Variants in TMEM71 observed in about 807,000 individuals in gnomAD.
TMEM71 encodes transmembrane protein 71.
TMEM71 carries 44 observed loss-of-function variants against 38.0 expected under a neutral mutation model. That is an observed-to-expected ratio of 1.16 (90% confidence interval 0.91 to 1.49). The LOEUF (loss-of-function observed/expected upper bound fraction) is 1.49. Among genes scored for constraint, TMEM71 ranks in the 40% most tolerant of loss-of-function variants. The pLI is 0.00. For synonymous variants in TMEM71, 133 were observed against 122.5 expected (o/e 1.09, Z -0.56); for missense variants, 367 against 348.6 (o/e 1.05, Z -0.42).
chr8:132,749,810 T>G (rs1828594622), intron 4 of TMEM71, among the ~76,000 whole-genome samples: 1 of 151,904 alleles, frequency 6.6e-6, no homozygotes, highest in Admixed American at 6.6e-5. Context: ...GGTCAGGGGA[T>G]CGAGACCATC....
At chr8:132,767,473 C>G in the TMEM71 span, among the ~76,000 whole-genome samples, 1 of 142,064 alleles carries the variant, frequency 7.0e-6, no homozygotes, top group African/African-American at 2.5e-5. Flanking sequence ...ATACCTACCT[C>G]TTTGGTTTTT....
At chr8:132,769,926 T>G in the TMEM71 span, among the ~76,000 whole-genome samples, 1 of 152,370 alleles carries the variant, frequency 6.6e-6, no homozygotes, top group African/African-American at 2.4e-5. Context: ...TCTGCCATAT[T>G]TCAGGATGCC....
the TMEM71 span, among the ~76,000 whole-genome samples, chr8:132,772,516 T>G: frequency 6.6e-6 from 1 of 152,202 alleles, no homozygotes; most frequent in Non-Finnish European, 1.5e-5. Context: ...ACTCTGATCC[T>G]GACCTTTGAC....
chr8:132,773,880 A>G, the TMEM71 span, among the ~76,000 whole-genome samples: 2 of 152,186 alleles, frequency 1.3e-5, no homozygotes, highest in Non-Finnish European at 2.9e-5. Context: ...CATGTAACAA[A>G]CAATCCAGCA....
At chr8:132,761,130 G>C (rs761926492), upstream of TMEM71, among the ~76,000 whole-genome samples, 11 of 152,182 alleles carry the variant, frequency 7.2e-5, no homozygotes, top group Non-Finnish European at 1.6e-4. Context: ...AGACTTGATG[G>C]TGTTTATGGG....
chr8:132,746,462 T>TACATATACATATACATATATATAC, intron 5 of TMEM71, among the ~76,000 whole-genome samples: 2 of 16,096 alleles, frequency 1.2e-4, no homozygotes, highest in African/African-American at 2.9e-4. Flanking sequence ...CATATATATA[T>TACATATACATATACATATATATAC]ACATATATAT....
At chr8:132,742,175 C>A (rs1828078486) in intron 5 of TMEM71, among the ~76,000 whole-genome samples, 1 of 152,196 alleles carries the variant, frequency 6.6e-6, no homozygotes, top group Non-Finnish European at 1.5e-5. Flanking sequence ...TTGCTACAAA[C>A]CAATGATTAA....
intron 7 of TMEM71, among the ~76,000 whole-genome samples, chr8:132,716,332 C>G (rs1432403391): frequency 6.6e-6 from 1 of 152,210 alleles, no homozygotes; most frequent in African/African-American, 2.4e-5. Flanking sequence ...CACTCCACAC[C>G]TTGCTTGTAA....
chr8:132,749,649 T>G (rs113988259), intron 4 of TMEM71, among the ~76,000 whole-genome samples: 13,895 of 152,196 alleles, frequency 0.091, 755 homozygotes, highest in Middle Eastern at 0.16. Context: ...AGAGGCTGGG[T>G]CTCTGAGTCT....
chr8:132,710,145 G>A lies in TMEM71; in HGVS notation c.*822C>T, dbSNP rs1393464326. On this transcript the variant is annotated 3_prime_UTR_variant, in exon 10 of 10. Transcript: ENST00000677595. ...TTTGCTTTGTGAACACGCACCAAGT[G>A]TGGGGGGTGGAAAGGGAACATCTAC... 2 of 152,126 alleles carry A rather than the reference G, an allele frequency of 1.3e-5. No homozygotes were observed. Among genetic ancestry groups the A allele is most frequent in the African/African-American group, 4.8e-5 (2 of 41,442 alleles). The allele number at this position is 152,126 out of a possible 1,614,324, so 9.4% of individuals were successfully genotyped here.
chr8:132,746,418 C>CACATATATATACAT (rs1828362143), intron 5 of TMEM71, among the ~76,000 whole-genome samples: 10 of 37,542 alleles, frequency 2.7e-4, no homozygotes, highest in East Asian at 8.4e-4. Flanking sequence ...TATACACACA[C>CACATATATATACAT]ATATATATAC....
Position 132,745,506 on chromosome 8 carries a change from A to G in TMEM71, c.487+1436T>C, listed in dbSNP as rs377451108. Among the ~76,000 whole-genome samples, 3 of 152,196 alleles carry G rather than the reference A, an allele frequency of 2.0e-5. No homozygotes were observed. The East Asian group carries it at 5.8e-4, about 29-fold the overall frequency. ...TCACACATCAGTCAGAATGGCGACT[A>G]TTAAAAAGTCAAAAAACAACAGATG... On this transcript the variant is annotated intron_variant, in intron 5 of 9. Transcript: ENST00000677595.
At chr8:132,773,049 T>C in the TMEM71 span, among the ~76,000 whole-genome samples, 27 of 152,368 alleles carry the variant, frequency 1.8e-4, no homozygotes, top group Non-Finnish European at 3.2e-4. Flanking sequence ...ATATGTGAAA[T>C]GCAGTTCTAG....
intron 5 of TMEM71, among the ~76,000 whole-genome samples, chr8:132,742,847 A>C (rs1791181587): frequency 6.6e-6 from 1 of 152,216 alleles, no homozygotes; most frequent in South Asian, 2.1e-4. Flanking sequence ...TTACGAAAGA[A>C]AGAGGTTTAA....
rs1207043512 is a variant in TMEM71 at position 132,752,000 on chromosome 8, A to T, written c.102-3T>A. On this transcript the variant is annotated splice_polypyrimidine_tract_variant and splice_region_variant and intron_variant, in intron 3 of 9. Transcript: ENST00000677595. ...CATCCAGGGAATCACAGGTGAAACT[A>T]AGAAGGAAAAGATAACGCACTTTAA... 4.3e-6 allele frequency: 7 copies of T among 1,612,930 alleles called. No individual in the cohort carries two copies. The highest frequency in any genetic ancestry group is 1.3e-5 in the African/African-American group (1 of 74,902).
At chr8:132,767,582 C>A in the TMEM71 span, among the ~76,000 whole-genome samples, 2 of 151,472 alleles carry the variant, frequency 1.3e-5, no homozygotes, top group Admixed American at 1.3e-4. Flanking sequence ...TCAAGCAATT[C>A]CCCTGCCTCA....
In TMEM71 at chr8:132,758,860, A is replaced by T; in HGVS notation, c.20T>A (p.Leu7Gln). 1.2e-6 allele frequency: 2 copies of T among 1,613,962 alleles called. No homozygotes were observed. The highest frequency in any genetic ancestry group is 1.7e-6 in the Non-Finnish European group (2 of 1,179,844). Reference sequence around the variant, plus strand: ...TTTACTTGCTACTGGTGTTGACATCAGTTGAGATATTCGGTACATCTTGGG... The same window carrying T: ...TTTACTTGCTACTGGTGTTGACATCTGTTGAGATATTCGGTACATCTTGGG... MYRISQLMSTPVASSSR... is the reference protein window; with the variant it reads MYRISQQMSTPVASSSR... Residue 7 changes from leucine to glutamine, a missense_variant, in exon 2 of 10, where the codon CTG becomes CAG. Physicochemically the swap from Leu to Gln is moderately radical, Grantham distance 113. Coordinates refer to ENST00000677595, the MANE Select transcript of TMEM71 (RefSeq NM_001382403.1).
chr8:132,713,680 C>G (rs1482461428), intron 9 of TMEM71, among the ~76,000 whole-genome samples: 3 of 152,168 alleles, frequency 2.0e-5, no homozygotes, highest in Non-Finnish European at 4.4e-5. Context: ...ACGTCTAACA[C>G]AAAGGTTTCT....
At chr8:132,757,541 G>A (rs764896661) in intron 2 of TMEM71, among the ~76,000 whole-genome samples, 112 of 152,040 alleles carry the variant, frequency 7.4e-4, no homozygotes, top group Middle Eastern at 3.4e-3. Context: ...TAACACTCTA[G>A]AAGTTCCGGG....
Sources: gnomAD v4.1 joint callset for allele counts (sites outside exome capture counted in the v4.1 genomes callset) on GRCh38, gnomAD v4.1.1 for gene constraint, MANE v1.5 for transcripts, NCBI Gene and HGNC (gene_info 2026-07-23, HGNC 2026-07-21) for gene names.